The following NMNAT2 variants were observed in gnomAD, a reference collection of about 807,000 sequenced individuals.
NMNAT2 encodes nicotinamide/nicotinic acid mononucleotide adenylyltransferase 2.
Under a neutral mutation model 41.6 loss-of-function variants are expected in NMNAT2, and 11 were observed. The observed-to-expected ratio is 0.26, with a 90% CI of 0.17 to 0.44. The LOEUF is 0.44. Ranked by LOEUF, NMNAT2 falls within the 20% of genes least tolerant of loss-of-function variation. NMNAT2 has a pLI of 1.00. For missense variants in NMNAT2, 288 were observed against 407.7 expected (o/e 0.71, Z 2.53); for synonymous variants, 148 against 151.2 (o/e 0.98, Z 0.16).
intron 1 of NMNAT2, among the ~76,000 whole-genome samples, chr1:183,407,310 A>T (rs563245717): frequency 4.6e-5 from 7 of 152,150 alleles, no homozygotes; most frequent in Non-Finnish European, 8.8e-5. Context: ...GAGCTTTTCT[A>T]TATTGAGGCA....
intron 1 of NMNAT2, among the ~76,000 whole-genome samples, chr1:183,368,015 G>A (rs973222337): frequency 2.0e-5 from 3 of 152,042 alleles, no homozygotes; most frequent in Admixed American, 1.3e-4. Context: ...GATTTTGGTA[G>A]GTCTATGTAT....
intron 8 of NMNAT2, among the ~76,000 whole-genome samples, chr1:183,270,106 G>A (rs1451397230): frequency 2.0e-5 from 3 of 152,090 alleles, no homozygotes; most frequent in South Asian, 2.1e-4. Flanking sequence ...GGATAGTCTC[G>A]ATCTCCTGAC....
At chr1:183,295,351 T>A (rs866873030) in intron 1 of NMNAT2, among the ~76,000 whole-genome samples, 1 of 152,134 alleles carries the variant, frequency 6.6e-6, no homozygotes. Context: ...AAAAAATGAA[T>A]AGACTATTTG....
chr1:183,370,872 G>A (rs537665437), intron 1 of NMNAT2, among the ~76,000 whole-genome samples: 44 of 152,308 alleles, frequency 2.9e-4, no homozygotes, highest in African/African-American at 9.4e-4. Flanking sequence ...TGCCCTGTCC[G>A]GTGTGCTTTC....
At chr1:183,262,771 C>T (rs890524624) in intron 8 of NMNAT2, among the ~76,000 whole-genome samples, 24 of 152,184 alleles carry the variant, frequency 1.6e-4, no homozygotes, top group African/African-American at 5.8e-4. Context: ...CTGAAAGTTA[C>T]GGCATTTAAT....
At chr1:183,324,771 T>C (rs187484041) in intron 1 of NMNAT2, among the ~76,000 whole-genome samples, 6 of 152,110 alleles carry the variant, frequency 3.9e-5, no homozygotes, top group Non-Finnish European at 8.8e-5. Context: ...GCCATCCTCT[T>C]AGCACTTCAC....
intron 1 of NMNAT2, among the ~76,000 whole-genome samples, chr1:183,390,502 G>T (rs896289687): frequency 4.6e-5 from 7 of 152,116 alleles, no homozygotes; most frequent in Non-Finnish European, 1.0e-4. Flanking sequence ...ACATATACTT[G>T]TTGGCTGCTT....
chr1:183,394,039 A>G (rs1250889387), intron 1 of NMNAT2, among the ~76,000 whole-genome samples: 1 of 152,210 alleles, frequency 6.6e-6, no homozygotes, highest in Non-Finnish European at 1.5e-5. Flanking sequence ...AAGTCAGAGG[A>G]TGATAGTGCT....
intron 8 of NMNAT2, among the ~76,000 whole-genome samples, chr1:183,274,382 G>A (rs964262373): frequency 4.6e-5 from 7 of 152,044 alleles, no homozygotes. Context: ...CACGATCTCT[G>A]CTCACTGCAA....
At chr1:183,260,656 T>A (rs996956899) in intron 10 of NMNAT2, among the ~76,000 whole-genome samples, 13 of 151,846 alleles carry the variant, frequency 8.6e-5, no homozygotes, top group African/African-American at 3.1e-4. Flanking sequence ...CCATCTCTAC[T>A]AAAAATACAA....
intron 7 of NMNAT2, among the ~76,000 whole-genome samples, chr1:183,279,863 A>G (rs1661215329): frequency 6.6e-6 from 1 of 152,156 alleles, no homozygotes; most frequent in African/African-American, 2.4e-5. Flanking sequence ...TAGTCTAATG[A>G]TCTGTTTGTG....
intron 1 of NMNAT2, among the ~76,000 whole-genome samples, chr1:183,416,974 C>T (rs1334504477): frequency 3.5e-4 from 53 of 152,150 alleles, no homozygotes. Context: ...CGGGCCAGGT[C>T]AGGGCCTCCC....
intron 1 of NMNAT2, among the ~76,000 whole-genome samples, chr1:183,331,164 T>A (rs948466473): frequency 2.6e-5 from 4 of 151,908 alleles, no homozygotes; most frequent in Admixed American, 6.5e-5. Context: ...CACAGAGGCA[T>A]GTGAAATCAT....
Position 183,252,680 on chromosome 1 carries a change from G to A in NMNAT2, c.885C>T (p.Tyr295=), listed in dbSNP as rs1484530404. The change falls in exon 11 of 11, where the codon TAC becomes TAT. Residue 295 remains tyrosine (Y), a synonymous_variant. Transcript: ENST00000287713. ...VDYLSQPVID[Y]ILKSQLYINA... The stretch of plus-strand genomic sequence containing the variant: ...TGATGTACAGCTGGCTTTTGAGGAT[G>A]TAGTCGATGACCGGCTGGGACAGGT... 6.2e-7 allele frequency: 1 copy of A among 1,614,142 alleles called. No homozygotes were observed. Among genetic ancestry groups the A allele is most frequent in the East Asian group, 2.2e-5 (1 of 44,890 alleles).
At chr1:183,385,149 C>A (rs1446298441) in intron 1 of NMNAT2, among the ~76,000 whole-genome samples, 2 of 152,088 alleles carry the variant, frequency 1.3e-5, no homozygotes, top group East Asian at 3.8e-4. Context: ...TTGCAGTGAG[C>A]TATGATTGAG....
chr1:183,284,222 T>C (rs1661342566), intron 6 of NMNAT2, among the ~76,000 whole-genome samples, 183 bp from the exon 7 acceptor site: 1 of 152,174 alleles, frequency 6.6e-6, no homozygotes, highest in Non-Finnish European at 1.5e-5. Flanking sequence ...GACAGGAAGC[T>C]TTCCTCCCGC....
chr1:183,275,228 T>C (rs1661093854), intron 8 of NMNAT2, among the ~76,000 whole-genome samples: 1 of 152,106 alleles, frequency 6.6e-6, no homozygotes, highest in Non-Finnish European at 1.5e-5. Context: ...GGGATAGGGA[T>C]TTGGAGTGGA....
chr1:183,267,398 G>A (rs1407519068), intron 8 of NMNAT2: 1 of 152,144 alleles, frequency 6.6e-6, no homozygotes, highest in Non-Finnish European at 1.5e-5. Flanking sequence ...ATGTGTCGAG[G>A]GGCTGCAGCC....
chr1:183,386,897 G>A (rs1648265130), intron 1 of NMNAT2, among the ~76,000 whole-genome samples: 1 of 152,012 alleles, frequency 6.6e-6, no homozygotes, highest in African/African-American at 2.4e-5. Context: ...AGAGATGCAA[G>A]AAGTACTTTA....
Sources: gnomAD v4.1 joint callset for allele counts (sites outside exome capture counted in the v4.1 genomes callset) on GRCh38, gnomAD v4.1.1 for gene constraint, MANE v1.5 for transcripts, NCBI Gene and HGNC (gene_info 2026-07-23, HGNC 2026-07-21) for gene names.